MAOA: variants seen among roughly 807,000 people sequenced by gnomAD.
The protein encoded by MAOA is amine oxidase [flavin-containing] A.
MAOA carries 6 observed loss-of-function variants against 42.0 expected under a neutral mutation model. The ratio of observed to expected loss-of-function variants is 0.14; its 90% CI spans 0.08 to 0.28. MAOA has a LOEUF of 0.28. Among genes scored for constraint, MAOA ranks in the 10% least tolerant of loss-of-function variants. The pLI is 1.00. For synonymous variants in MAOA, 140 were observed against 154.0 expected (o/e 0.91, Z 0.67); for missense variants, 262 against 422.3 (o/e 0.62, Z 3.33).
intron 3 of MAOA, among the ~76,000 whole-genome samples, chrX:43,706,968 G>A (rs571087148): frequency 1.9e-4 from 21 of 112,210 alleles, no homozygotes; most frequent in African/African-American, 6.8e-4. Context: ...AATATGAAGT[G>A]TCAGGTCATA....
At chrX:43,718,295 T>A (rs1366588664) in intron 5 of MAOA, among the ~76,000 whole-genome samples, 4 of 96,716 alleles carry the variant, frequency 4.1e-5, no homozygotes, top group Non-Finnish European at 8.2e-5. Flanking sequence ...TGGGTAGTAG[T>A]GGGGGAGACA....
At chrX:43,730,949 G>C (rs2033876437) in intron 6 of MAOA, among the ~76,000 whole-genome samples, 1 of 111,772 alleles carries the variant, frequency 8.9e-6, no homozygotes, top group African/African-American at 3.3e-5. Flanking sequence ...CCACAGACTT[G>C]CTGATATTCC....
rs1487709065 is a variant in MAOA at position 43,746,710 on chromosome X, C to A, written c.*2197C>A. The A allele has an allele frequency of 8.9e-6, 1 of 111,951 alleles. No homozygotes were observed. The allele number at this position is 111,951 out of a possible 1,213,427, so 9.2% of individuals were successfully genotyped here. On this transcript the variant is annotated 3_prime_UTR_variant, in exon 15 of 15. Transcript: ENST00000338702. The stretch of plus-strand genomic sequence containing the variant: ...TAATGTTCCATGTCTGAAGTTTGCC[C>A]CAGTGCTACACGTTGGAGTATACCT...
At chrX:43,706,624 C>CATAAATAAATAA (rs746283353) in intron 3 of MAOA, among the ~76,000 whole-genome samples, 5,457 of 104,806 alleles carry the variant, frequency 0.052, 494 homozygotes, top group African/African-American at 0.2. Flanking sequence ...ATCTCTACAA[C>CATAAATAAATAA]ATAAATAAAT....
At chrX:43,741,844 T>C (rs1271166810) in intron 11 of MAOA, 106 bp from the exon 12 acceptor site, 7 of 1,148,842 alleles carry the variant, frequency 6.1e-6, no homozygotes, top group Non-Finnish European at 8.1e-6. Context: ...AACAGGATTT[T>C]CTTTATTTTC....
At chrX:43,717,328 A>T (rs781518423) in intron 5 of MAOA, among the ~76,000 whole-genome samples, 7 of 111,365 alleles carry the variant, frequency 6.3e-5, no homozygotes, top group Non-Finnish European at 1.1e-4. Flanking sequence ...AATGAGTCAC[A>T]CTGGTGGTGG....
In MAOA at chrX:43,740,724, C is replaced by G; in HGVS notation, c.1150C>G (p.Gln384Glu). Residue 384 changes from glutamine (Q) to glutamate (E), a missense_variant, in exon 11 of 15, where the codon CAA (glutamine) becomes GAA (glutamate). Transcript: ENST00000338702. ...CELYAKVLGS[Q>E]EALHPVHYEE... ...GCTCTATGCCAAAGTGCTGGGATCC[C>G]AAGAAGCTTTACATGTAAGAAACTC... 6 of 1,201,827 alleles carry G rather than the reference C, an allele frequency of 5.0e-6. No homozygotes were observed. Among genetic ancestry groups the G allele is most frequent in the Non-Finnish European group, 6.7e-6 (6 of 889,831 alleles).
chrX:43,674,673 T>C (rs1411027107), intron 1 of MAOA, among the ~76,000 whole-genome samples: 99 of 110,574 alleles, frequency 9.0e-4, no homozygotes, highest in African/African-American at 3.2e-3. Flanking sequence ...ATTTGATTGT[T>C]TGTAAAGTAT....
chrX:43,708,311 C>T (rs1445265273), intron 3 of MAOA, among the ~76,000 whole-genome samples: 2 of 111,286 alleles, frequency 1.8e-5, no homozygotes, highest in East Asian at 5.6e-4. Context: ...CCCTGCTTCA[C>T]CCTCTTAGGT....
chrX:43,705,764 A>G (rs2033654750), intron 3 of MAOA, among the ~76,000 whole-genome samples: 1 of 112,223 alleles, frequency 8.9e-6, no homozygotes, highest in Non-Finnish European at 1.9e-5. Context: ...TCAATAATAA[A>G]AAGACAAACA....
At chrX:43,705,705 A>G (rs747399722) in intron 3 of MAOA, among the ~76,000 whole-genome samples, 1 of 112,190 alleles carries the variant, frequency 8.9e-6, no homozygotes, top group African/African-American at 3.2e-5. Context: ...TGCAAATCAT[A>G]TATCTGATAA....
chrX:43,666,017 C>T (rs193184974), intron 1 of MAOA, among the ~76,000 whole-genome samples: 7 of 111,885 alleles, frequency 6.3e-5, no homozygotes, highest in African/African-American at 1.3e-4. Flanking sequence ...GACATGCCAC[C>T]GTATCCTTGT....
intron 3 of MAOA, among the ~76,000 whole-genome samples, chrX:43,700,033 C>T (rs73470764): frequency 0.021 from 2,314 of 112,165 alleles, 42 homozygotes; most frequent in African/African-American, 0.062. Context: ...ACTCAAGAAG[C>T]GGAAAGTGTG....
At chrX:43,672,052 A>T (rs771631052) in intron 1 of MAOA, among the ~76,000 whole-genome samples, 163 of 111,611 alleles carry the variant, frequency 1.5e-3, no homozygotes, top group African/African-American at 5.1e-3. Context: ...CGGTTTCACA[A>T]TATTGATTCT....
chrX:43,734,132 CTTT>C (rs745875170), intron 9 of MAOA, among the ~76,000 whole-genome samples: 16 of 62,404 alleles, frequency 2.6e-4, no homozygotes, highest in African/African-American at 7.5e-4. Context: ...TTTGGGCTTT[CTTT>C]TTTTTTTTTT....
chrX:43,663,849 G>A (rs2033254912), intron 1 of MAOA, among the ~76,000 whole-genome samples: 1 of 112,045 alleles, frequency 8.9e-6, no homozygotes, highest in Non-Finnish European at 1.9e-5. Context: ...GGCCATTCCT[G>A]GTGCATTTAG....
chrX:43,726,413 T>G (rs2033835680), intron 5 of MAOA, among the ~76,000 whole-genome samples: 1 of 112,074 alleles, frequency 8.9e-6, no homozygotes, highest in African/African-American at 3.2e-5. Flanking sequence ...TCGCTTTATT[T>G]CATTAAGTTG....
intron 2 of MAOA, among the ~76,000 whole-genome samples, chrX:43,691,288 C>T (rs1030662721): frequency 3.7e-5 from 4 of 109,427 alleles, no homozygotes; most frequent in Non-Finnish European, 5.7e-5. Flanking sequence ...TGGAAGAATT[C>T]ATAGAGCCCA....
rs190197067 is a variant in MAOA, at chrX:43,700,735, T to G, written c.306+7307T>G. Among the ~76,000 whole-genome samples the G allele has an allele frequency of 3.6e-5, 4 of 112,489 alleles. No individual in the cohort carries two copies. In the East Asian group the frequency reaches 1.1e-3, roughly 31 times the overall value. On this transcript the variant is annotated intron_variant, in intron 3 of 14. Transcript: ENST00000338702. ...GCTATATATTATTTTTGTTAAATGATCCATGTAAACTTATTATTCAAAGTA... is the reference window on the plus strand; with the variant it reads ...GCTATATATTATTTTTGTTAAATGAGCCATGTAAACTTATTATTCAAAGTA...
Sources: allele counts gnomAD v4.1 joint callset (sites outside exome capture counted in the v4.1 genomes callset), GRCh38; gene constraint gnomAD v4.1.1; transcripts MANE v1.5; gene names NCBI Gene and HGNC (gene_info 2026-07-23, HGNC 2026-07-21).